CDH1: variants seen among roughly 807,000 people sequenced by gnomAD.
The protein encoded by CDH1 is cadherin 1.
A neutral mutation model predicts 84.5 loss-of-function variants in CDH1; 35 were observed. That is an observed-to-expected ratio of 0.41 (90% CI 0.32 to 0.55). The LOEUF is 0.55. Among genes scored for constraint, CDH1 ranks in the 20% least tolerant of loss-of-function variants. The pLI, the probability that CDH1 is intolerant of heterozygous loss-of-function variation, is 0.19. For missense variants in CDH1, 994 were observed against 1,126.6 expected, an observed-to-expected ratio of 0.88 and a Z score of 1.68; for synonymous variants, 417 against 439.0, an observed-to-expected ratio of 0.95 and a Z score of 0.63.
At chr16:68,777,501 G>A (rs1212413585) in intron 2 of CDH1, among the ~76,000 whole-genome samples, 1 of 151,338 alleles carries the variant, frequency 6.6e-6, no homozygotes, top group Non-Finnish European at 1.5e-5. Flanking sequence ...CAGTGTTTGT[G>A]GGGTGGTAGT....
chr16:68,767,033 C>G (rs1959411451), intron 2 of CDH1, among the ~76,000 whole-genome samples: 1 of 151,794 alleles, frequency 6.6e-6, no homozygotes, highest in Non-Finnish European at 1.5e-5. Context: ...CGCCTAGACC[C>G]CATTTTTGGA....
rs559621590 is a variant in CDH1, at chr16:68,752,793, A to G, written c.163+14382A>G. ...GTCAGATGAGCCATTTCTACCCCACACTTCTGAGTGTAAGGAAGCACCAGA... is the reference window on the plus strand; with the variant it reads ...GTCAGATGAGCCATTTCTACCCCACGCTTCTGAGTGTAAGGAAGCACCAGA... On this transcript the variant is annotated intron_variant, in intron 2 of 15. Coordinates refer to ENST00000261769, the MANE Select transcript of CDH1 (RefSeq NM_004360.5). Among the ~76,000 whole-genome samples, 3 of 152,094 alleles carry G rather than the reference A, an allele frequency of 2.0e-5. No individual in the cohort carries two copies. The South Asian group carries it at 6.2e-4, about 32-fold the overall frequency.
chr16:68,776,700 A>G (rs1056747889), intron 2 of CDH1, among the ~76,000 whole-genome samples: 3 of 152,186 alleles, frequency 2.0e-5, no homozygotes, highest in Non-Finnish European at 2.9e-5. Context: ...CAGCTTTTAA[A>G]GAATGGGAGT....
At chr16:68,762,769 C>T (rs963571017) in intron 2 of CDH1, among the ~76,000 whole-genome samples, 5 of 151,730 alleles carry the variant, frequency 3.3e-5, no homozygotes, top group African/African-American at 7.3e-5. Flanking sequence ...ATTATCCGGG[C>T]GTGTTGGTGG....
chr16:68,803,831 C>T (rs898240710), intron 3 of CDH1, among the ~76,000 whole-genome samples: 4 of 151,996 alleles, frequency 2.6e-5, no homozygotes, highest in African/African-American at 2.4e-5. Context: ...TGGTTTATGT[C>T]GTGGTTTATT....
rs2152135018 is a variant in CDH1, at chr16:68,815,685, G to C, written c.1491G>C (p.Glu497Asp). The change falls in exon 10 of 16, where the codon GAG becomes GAC. Residue 497 changes from glutamate (E) to aspartate (D), a missense_variant. Glu to Asp is a conservative substitution (Grantham distance 45). Around this residue, in one of 3 missense-constraint regions of CDH1, gnomAD observed 769 missense variants for 881.8 expected, o/e 0.87. Transcript: ENST00000261769. ...CTGAAAAGAGAGTGGAAGTGTCCGAGGACTTTGGCGTGGGCCAGGAAATCA... is the reference window on the plus strand; with the variant it reads ...CTGAAAAGAGAGTGGAAGTGTCCGACGACTTTGGCGTGGGCCAGGAAATCA... ...VPPEKRVEVS[E>D]DFGVGQEITS... 1 of 1,614,236 alleles carries C rather than the reference G, an allele frequency of 6.2e-7. No individual in the cohort carries two copies. The highest frequency in any genetic ancestry group is 8.5e-7 in the Non-Finnish European group (1 of 1,180,046).
At chr16:68,792,962 G>C (rs1346846015) in intron 2 of CDH1, among the ~76,000 whole-genome samples, 1 of 152,170 alleles carries the variant, frequency 6.6e-6, no homozygotes, top group Non-Finnish European at 1.5e-5. Flanking sequence ...TACATAATTT[G>C]TTCTGGGCAC....
chr16:68,830,987 T>C (rs1334646594), intron 15 of CDH1, among the ~76,000 whole-genome samples: 1 of 151,856 alleles, frequency 6.6e-6, no homozygotes, highest in Non-Finnish European at 1.5e-5. Context: ...GCTTGGTTAC[T>C]GGAATGATTT....
At chr16:68,802,716 C>T (rs969261252) in intron 3 of CDH1, among the ~76,000 whole-genome samples, 4 of 152,180 alleles carry the variant, frequency 2.6e-5, no homozygotes, top group African/African-American at 9.7e-5. Flanking sequence ...AATGATCTGC[C>T]TGCCTCAGCC....
At chr16:68,821,546 A>G (rs1961143847) in intron 11 of CDH1, among the ~76,000 whole-genome samples, 1 of 151,900 alleles carries the variant, frequency 6.6e-6, no homozygotes, top group African/African-American at 2.4e-5. Flanking sequence ...AAAAGACCCA[A>G]CTCATCCCCT....
In CDH1 at chr16:68,822,154, A is replaced by G. The variant is rs147925149; in HGVS notation, c.1865A>G (p.Asn622Ser). 1.1e-5 allele frequency: 18 copies of G among 1,614,000 alleles called. No homozygotes were observed. The Admixed American group carries it at 1.3e-4, about 12-fold the overall frequency. The change falls in exon 12 of 16, where the codon AAT becomes AGT. Residue 622 changes from asparagine (N) to serine (S), a missense_variant. Physicochemically the swap from Asn to Ser is conservative, Grantham distance 46. Transcript: ENST00000261769. The part of the protein sequence containing the change: ...INIIDADLPP[N>S]TSPFTAELTH... ...ATCATTGATGCAGACCTTCCTCCCAATACATCTCCCTTCACAGCAGAACTA... is the reference window on the plus strand; with the variant it reads ...ATCATTGATGCAGACCTTCCTCCCAGTACATCTCCCTTCACAGCAGAACTA...
chr16:68,769,040 G>A (rs59701781), intron 2 of CDH1, among the ~76,000 whole-genome samples: 2,119 of 152,102 alleles, frequency 0.014, 46 homozygotes, highest in African/African-American at 0.048. Context: ...TCACTGTACC[G>A]CCTACCCTGC....
intron 2 of CDH1, among the ~76,000 whole-genome samples, chr16:68,789,488 G>A (rs778979750): frequency 6.6e-6 from 1 of 152,006 alleles, no homozygotes; most frequent in Admixed American, 6.6e-5. Flanking sequence ...GCAAGGATGG[G>A]CTTGTGAATA....
intron 10 of CDH1, among the ~76,000 whole-genome samples, chr16:68,816,948 G>A (rs1389218469): frequency 6.6e-6 from 1 of 152,184 alleles, no homozygotes; most frequent in Non-Finnish European, 1.5e-5. Flanking sequence ...CAGTTTCCAG[G>A]CTGGGTTGAA....
chr16:68,811,909 C>T (rs2152132233), intron 7 of CDH1, 50 bp downstream of exon 7: 1 of 1,596,832 alleles, frequency 6.3e-7, no homozygotes, highest in Non-Finnish European at 8.6e-7. Context: ...TGTGTATTAG[C>T]TCAATCCCGT....
chr16:68,822,522 C>A (rs931648940), intron 12 of CDH1: 2 of 535,380 alleles, frequency 3.7e-6, no homozygotes, highest in Admixed American at 2.7e-5. Flanking sequence ...TTCTCTGCTA[C>A]CTCCTGCTCC....
chr16:68,829,255 C>T (rs1961412154), intron 14 of CDH1, among the ~76,000 whole-genome samples: 1 of 152,140 alleles, frequency 6.6e-6, no homozygotes, highest in African/African-American at 2.4e-5. Context: ...GCCTTTCAGA[C>T]CTTTGCCTGT....
chr16:68,804,824 C>CTTTTTTTTTTTTTTTTTTTT (rs5817653), intron 3 of CDH1, among the ~76,000 whole-genome samples: 1 of 69,668 alleles, frequency 1.4e-5, no homozygotes, highest in Non-Finnish European at 2.5e-5. Flanking sequence ...GTAACAAAAT[C>CTTTTTTTTTTTTTTTTTTTT]TTTTTTTTTT....
In CDH1 at chr16:68,808,797, A is replaced by G. The variant is rs758991562; in HGVS notation, c.636A>G (p.Gly212=). 5.6e-6 allele frequency: 9 copies of G among 1,614,064 alleles called. No individual in the cohort carries two copies. In the East Asian group the frequency reaches 1.3e-4, roughly 24 times the overall value. ...VGVFIIERET[G]WLKVTEPLDR... ...TCTTTATTATTGAAAGAGAAACAGG[A>G]TGGCTGAAGGTGACAGAGCCTCTGG... The change falls in exon 5 of 16, where the codon GGA becomes GGG. Residue 212 remains glycine (G), a synonymous_variant. Coordinates refer to ENST00000261769, the MANE Select transcript of CDH1 (RefSeq NM_004360.5).
Sources: gnomAD v4.1 joint callset for allele counts (sites outside exome capture counted in the v4.1 genomes callset) on GRCh38, gnomAD v4.1.1 for gene constraint, gnomAD v4.1.1 regional missense constraint, MANE v1.5 for transcripts, NCBI Gene and HGNC (gene_info 2026-07-23, HGNC 2026-07-21) for gene names.